Variants in COL18A1 observed in about 807,000 individuals in gnomAD.
COL18A1 encodes the protein collagen alpha-1(XVIII) chain.
Under a neutral mutation model 168.0 loss-of-function variants are expected in COL18A1, and 133 were observed. That is an observed-to-expected ratio of 0.79 (90% CI 0.69 to 0.91). COL18A1 has a LOEUF of 0.91. Among genes scored for constraint, COL18A1 ranks in the 40% least tolerant of loss-of-function variants. COL18A1 has a pLI of 0.00. For missense variants in COL18A1, 2,126 were observed against 1,925.4 expected, an observed-to-expected ratio of 1.10 and a Z score of -1.95; for synonymous variants, 949 against 809.0, an observed-to-expected ratio of 1.17 and a Z score of -2.94.
At chr21:45,433,843 GGGCTGT>G (rs2034028276) in intron 2 of COL18A1, among the ~76,000 whole-genome samples, 1 of 152,230 alleles carries the variant, frequency 6.6e-6, no homozygotes, top group African/African-American at 2.4e-5. Context: ...GCCAGGGGAG[GGGCTGT>G]GGCATGGCAT....
chr21:45,509,108 G>T (rs773193507), intron 38 of COL18A1, among the ~76,000 whole-genome samples: 10 of 152,120 alleles, frequency 6.6e-5, no homozygotes, highest in Admixed American at 1.3e-4. Flanking sequence ...TGATTGCTGC[G>T]GCTTCTGAGC....
chr21:45,508,590 C>T (rs567600930), intron 38 of COL18A1, among the ~76,000 whole-genome samples: 1 of 152,014 alleles, frequency 6.6e-6, no homozygotes, highest in Admixed American at 6.5e-5. Context: ...TGCTGTCGGC[C>T]CCTCCTTGAG....
chr21:45,439,271 C>A (rs2034302005), intron 2 of COL18A1, among the ~76,000 whole-genome samples: 1 of 152,248 alleles, frequency 6.6e-6, no homozygotes. Context: ...GCCTGGACCG[C>A]CCGAGTGGCC....
intron 9 of COL18A1, among the ~76,000 whole-genome samples, chr21:45,478,841 G>A (rs1183460772): frequency 6.6e-6 from 1 of 152,214 alleles, no homozygotes; most frequent in African/African-American, 2.4e-5. Context: ...CCCAGCAAAT[G>A]GTAACACTCG....
rs771439983 is a variant in COL18A1 at position 45,492,722 on chromosome 21, C to T, written c.2214+9C>T. ...GTTTCGCAGGCTTTCCCGTGAGTAA[C>T]CTGGTGCCAGAGCTGCATGCTGCCC... is the stretch of plus-strand genomic sequence containing the variant. On this transcript the variant is annotated intron_variant, in intron 24 of 41. Transcript: ENST00000651438. The T allele has an allele frequency of 9.2e-6, 14 of 1,523,560 alleles. No homozygotes were observed. The Admixed American group carries it at 2.4e-4, about 26-fold the overall frequency. 94.4% of individuals were successfully genotyped at this position (1,523,560 alleles called of 1,614,324 possible). A position where few individuals can be genotyped will look rare whatever the true frequency, so the allele number is the denominator to read the frequency against.
chr21:45,428,176 G>A (rs1206407660), intron 2 of COL18A1, among the ~76,000 whole-genome samples: 3 of 152,218 alleles, frequency 2.0e-5, no homozygotes, highest in Admixed American at 6.5e-5. Flanking sequence ...GGCAGGCGGC[G>A]TCTGGGCCTG....
intron 2 of COL18A1, chr21:45,456,978 A>G: frequency 9.9e-6 from 10 of 1,005,192 alleles, no homozygotes; most frequent in Non-Finnish European, 1.2e-5. Flanking sequence ...TTCCCCCCAC[A>G]TCGAATCTCT....
chr21:45,505,659 C>CGCAG (rs2037156258), intron 36 of COL18A1, among the ~76,000 whole-genome samples, 179 bp from the exon 37 acceptor site: 1 of 152,166 alleles, frequency 6.6e-6, no homozygotes, highest in Non-Finnish European at 1.5e-5. Context: ...TCCACGGAGG[C>CGCAG]GCAGGAGCTG....
intron 22 of COL18A1, 85 bp downstream of exon 22, chr21:45,491,399 C>A: frequency 1.4e-6 from 1 of 727,868 alleles, no homozygotes; most frequent in Non-Finnish European, 2.5e-6. Context: ...CCCCCACACC[C>A]CCACATCCCC....
rs760904439 is a variant in COL18A1 at position 45,494,924 on chromosome 21, CTGGGGTCTCCAGTGGGGGCGGCAGA to C, written c.2433+18_2433+42del. 1.2e-6 allele frequency: 2 copies of C among 1,609,062 alleles called. No homozygotes were observed. Among genetic ancestry groups the C allele is most frequent in the African/African-American group, 1.3e-5 (1 of 74,974 alleles). ...GCTTTCCTGGACGGCCGGTGAGGAC[CTGGGGTCTCCAGTGGGGGCGGCAGA>C]TGGGGTCTGGCAGGTGGGGAGCAGC... On this transcript the variant is annotated intron_variant, in intron 28 of 41. Coordinates refer to ENST00000651438, the MANE Select transcript of COL18A1 (RefSeq NM_001379500.1).
intron 40 of COL18A1, 103 bp downstream of exon 40, chr21:45,510,364 C>T (rs991774953): frequency 2.3e-5 from 30 of 1,298,216 alleles, no homozygotes; most frequent in Non-Finnish European, 2.9e-5. Flanking sequence ...TGGAGGCCAC[C>T]ATGTTACAGA....
chr21:45,412,215 TTCTTTAACTGGGGGTATATTTC>T (rs2123507890), intron 2 of COL18A1, among the ~76,000 whole-genome samples: 1 of 150,724 alleles, frequency 6.6e-6, no homozygotes, highest in South Asian at 2.1e-4. Context: ...GGTATGATAT[TTCTTTAACTGGGGGTATATTTC>T]TTTTTTTTTT....
intron 12 of COL18A1, 87 bp downstream of exon 12, chr21:45,480,607 G>GT: frequency 6.2e-7 from 1 of 1,613,248 alleles, no homozygotes; most frequent in South Asian, 1.1e-5. Flanking sequence ...CTGGGGTCCT[G>GT]TGGGGGGTGG....
intron 2 of COL18A1, among the ~76,000 whole-genome samples, chr21:45,408,251 C>T (rs1185884301): frequency 6.6e-6 from 1 of 152,272 alleles, no homozygotes; most frequent in East Asian, 1.9e-4. Context: ...GTGCAAGGCA[C>T]ATGCATACAC....
At position 45,493,775 on chromosome 21, in the gene COL18A1, C is replaced by T. The variant is rs909889009; in HGVS notation, c.2352+200C>T. The T allele has an allele frequency of 8.3e-5, 49 of 593,588 alleles. No individual in the cohort carries two copies. In the African/African-American group the frequency reaches 8.6e-4, roughly 10 times the overall value. 36.8% of individuals were successfully genotyped at this position (593,588 alleles called of 1,614,324 possible). On this transcript the variant is annotated intron_variant, in intron 26 of 41. Coordinates refer to ENST00000651438, the MANE Select transcript of COL18A1 (RefSeq NM_001379500.1). The stretch of plus-strand genomic sequence containing the variant: ...GTTCCGCCGGCCCCTCGTCCTCTCC[C>T]TGCCCCTCGTCCTCTCCCTACCCCT...
intron 13 of COL18A1, among the ~76,000 whole-genome samples, chr21:45,481,170 T>C (rs529663404): frequency 6.6e-6 from 1 of 151,456 alleles, no homozygotes; most frequent in South Asian, 2.1e-4. Flanking sequence ...TTCCCATGGG[T>C]GGGTGTGGGA....
At chr21:45,441,274 T>C (rs2034363686) in intron 2 of COL18A1, among the ~76,000 whole-genome samples, 1 of 152,182 alleles carries the variant, frequency 6.6e-6, no homozygotes, top group South Asian at 2.1e-4. Context: ...CCTGCTGCCC[T>C]TCAGGGTTCA....
rs967964158 is a variant in COL18A1, at chr21:45,505,654, G to A, written c.3088-184G>A. 1.1e-4 allele frequency among the ~76,000 whole-genome samples: 16 copies of A among 152,278 alleles called. No individual in the cohort carries two copies. The highest frequency in any genetic ancestry group is 5.9e-4 in the Admixed American group (9 of 15,310). ...TGCCCAGGGCCTGTACATTGTCCAC[G>A]GAGGCGCAGGAGCTGGCGGCAGGCA... On this transcript the variant is annotated intron_variant, in intron 36 of 41. Coordinates refer to ENST00000651438, the MANE Select transcript of COL18A1 (RefSeq NM_001379500.1).
chr21:45,456,336 T>C (rs2034812566), intron 2 of COL18A1: 1 of 1,550,418 alleles, frequency 6.4e-7, no homozygotes, highest in Non-Finnish European at 8.7e-7. Context: ...CCCCTGGTGA[T>C]GGGCTCCCTG....
Sources: gnomAD v4.1 joint callset for allele counts (sites outside exome capture counted in the v4.1 genomes callset) on GRCh38, gnomAD v4.1.1 for gene constraint, MANE v1.5 for transcripts, NCBI Gene and HGNC (gene_info 2026-07-23, HGNC 2026-07-21) for gene names.